ALG5: variants seen among roughly 807,000 people sequenced by gnomAD.
ALG5 encodes the protein ALG5 dolichyl-phosphate beta-glucosyltransferase.
A neutral mutation model predicts 51.8 loss-of-function variants in ALG5; 26 were observed. That is an observed-to-expected ratio of 0.50 (90% confidence interval 0.37 to 0.70). The LOEUF is 0.70. ALG5 is among the 30% of genes least tolerant of loss of function. The probability of loss-of-function intolerance (pLI) is 0.00; values close to 1 mark genes in which losing one functional copy is unlikely to be tolerated. For missense variants in ALG5, 311 were observed against 399.3 expected (o/e 0.78, Z 1.88); for synonymous variants, 141 against 136.1 (o/e 1.04, Z -0.25).
At chr13:36,952,475 T>C (rs1425938322) in intron 9 of ALG5, 39 bp downstream of exon 9, 4 of 1,442,340 alleles carry the variant, frequency 2.8e-6, no homozygotes, top group African/African-American at 1.4e-5. Context: ...AACTGTATTA[T>C]CTGACTCAAG....
chr13:36,976,553 G>C (rs919260689), intron 6 of ALG5, among the ~76,000 whole-genome samples: 13 of 151,690 alleles, frequency 8.6e-5, no homozygotes, highest in African/African-American at 3.2e-4. Flanking sequence ...TTCAAGACTA[G>C]CCTGGCCAAC....
intron 6 of ALG5, among the ~76,000 whole-genome samples, chr13:36,975,973 CA>C (rs1224265439): frequency 8.0e-4 from 98 of 122,366 alleles, no homozygotes; most frequent in Middle Eastern, 4.7e-3. Context: ...TAACTTGTCT[CA>C]AAAAAAAAAA....
At chr13:36,997,666 C>T (rs1208491842) in intron 1 of ALG5, among the ~76,000 whole-genome samples, 1 of 151,832 alleles carries the variant, frequency 6.6e-6, no homozygotes, top group Non-Finnish European at 1.5e-5. Context: ...TTTGAAATCA[C>T]AGAATAAATT....
intron 6 of ALG5, among the ~76,000 whole-genome samples, chr13:36,982,631 AT>A (rs1228205047): frequency 6.6e-6 from 1 of 152,204 alleles, no homozygotes; most frequent in African/African-American, 2.4e-5. Flanking sequence ...AAGTAAGAAG[AT>A]TTCTTCTAAT....
chr13:36,975,654 G>A (rs1309413070), intron 6 of ALG5, among the ~76,000 whole-genome samples: 1 of 152,186 alleles, frequency 6.6e-6, no homozygotes, highest in Non-Finnish European at 1.5e-5. Context: ...ACTCTTATCT[G>A]TATTTTAGAT....
intron 9 of ALG5, among the ~76,000 whole-genome samples, chr13:36,950,446 C>T (rs1210876860): frequency 6.6e-6 from 1 of 152,124 alleles, no homozygotes; most frequent in East Asian, 1.9e-4. Context: ...ATTATTTCTA[C>T]ATAAATCCAA....
At chr13:36,950,134 A>G (rs2138773481) in intron 9 of ALG5, 77 bp from the exon 10 acceptor site, 1 of 874,092 alleles carries the variant, frequency 1.1e-6, no homozygotes, top group Non-Finnish European at 1.8e-6. Flanking sequence ...AAGTCAGTCT[A>G]CATGATCGTT....
intron 8 of ALG5, among the ~76,000 whole-genome samples, chr13:36,955,676 C>T (rs1373212436): frequency 2.4e-5 from 1 of 41,568 alleles, no homozygotes; most frequent in East Asian, 7.4e-4. Context: ...AGAAAATGAA[C>T]AGAGATTGTG....
intron 6 of ALG5, among the ~76,000 whole-genome samples, chr13:36,982,776 A>G (rs1292542942): frequency 1.3e-5 from 2 of 152,290 alleles, no homozygotes; most frequent in South Asian, 4.1e-4. Flanking sequence ...ACCACCTATC[A>G]TTTATTTGCC....
At chr13:36,998,925 TG>T (rs2059067405) in intron 1 of ALG5, 1 of 279,822 alleles carries the variant, frequency 3.6e-6, no homozygotes, top group African/African-American at 2.2e-5. Flanking sequence ...ACAGAGGAGG[TG>T]GGTAGGGGGC....
chr13:36,996,156 C>T (rs993984080), intron 1 of ALG5, among the ~76,000 whole-genome samples: 2 of 152,188 alleles, frequency 1.3e-5, no homozygotes, highest in Admixed American at 1.3e-4. Flanking sequence ...GTTTTTGACA[C>T]TTAACTCGAA....
chr13:36,970,229 G>T (rs930430585), intron 7 of ALG5, among the ~76,000 whole-genome samples: 12 of 151,920 alleles, frequency 7.9e-5, no homozygotes, highest in Non-Finnish European at 8.8e-5. Flanking sequence ...ATTCTCTATG[G>T]TTAACAGATT....
intron 1 of ALG5, 42 bp downstream of exon 1, chr13:36,999,192 GC>G (rs779005586): frequency 1.6e-5 from 24 of 1,518,834 alleles, no homozygotes; most frequent in Non-Finnish European, 2.1e-5. Flanking sequence ...CTCCAGGAGA[GC>G]GGTAAGCCCC....
chr13:36,966,516 A>C (rs1486354284), intron 7 of ALG5, among the ~76,000 whole-genome samples: 1 of 152,194 alleles, frequency 6.6e-6, no homozygotes, highest in Non-Finnish European at 1.5e-5. Context: ...TAAAATAACA[A>C]AATTTTTTTT....
rs544179792 is a variant in ALG5, at chr13:36,996,638, A to T, written c.67-1042T>A. Reference sequence around the variant, plus strand: ...TACTGTAAATCATAAATTTGCAATGATACTAAAGACAAAAACTGGGTAAGA... The same window carrying T: ...TACTGTAAATCATAAATTTGCAATGTTACTAAAGACAAAAACTGGGTAAGA... On this transcript the variant is annotated intron_variant, in intron 1 of 9. Transcript: ENST00000239891. Among the ~76,000 whole-genome samples the T allele has an allele frequency of 2.0e-4, 31 of 152,336 alleles. No individual in the cohort carries two copies. The South Asian group carries it at 4.6e-3, about 22-fold the overall frequency.
chr13:36,967,210 G>A (rs370914882), intron 7 of ALG5, among the ~76,000 whole-genome samples: 2 of 144,090 alleles, frequency 1.4e-5, no homozygotes, highest in Admixed American at 7.1e-5. Context: ...GTGACAGAGT[G>A]AGACTCCAAC....
At chr13:36,984,925 C>T (rs1032316197) in intron 6 of ALG5, among the ~76,000 whole-genome samples, 3 of 152,080 alleles carry the variant, frequency 2.0e-5, no homozygotes, top group Admixed American at 2.0e-4. Context: ...AAATGGCAGA[C>T]CTCAGCAAGT....
At chr13:36,993,188 C>G (rs1302780776) in intron 4 of ALG5, among the ~76,000 whole-genome samples, 4 of 152,244 alleles carry the variant, frequency 2.6e-5, no homozygotes, top group Non-Finnish European at 5.9e-5. Flanking sequence ...AAGCCAGATC[C>G]TGCCAATGCT....
chr13:36,985,050 C>T (rs1046644384), intron 6 of ALG5, among the ~76,000 whole-genome samples: 1 of 151,710 alleles, frequency 6.6e-6, no homozygotes, highest in Middle Eastern at 3.2e-3. Flanking sequence ...TTTTCATTCT[C>T]TTATTCATTT....
Sources: allele counts gnomAD v4.1 joint callset (sites outside exome capture counted in the v4.1 genomes callset), GRCh38; gene constraint gnomAD v4.1.1; transcripts MANE v1.5; gene names NCBI Gene and HGNC (gene_info 2026-07-23, HGNC 2026-07-21).